Variants in RIF1 observed in about 807,000 individuals in gnomAD.
RIF1 encodes the protein telomere-associated protein RIF1.
Under a neutral mutation model 247.1 loss-of-function variants are expected in RIF1, and 45 were observed. That is an observed-to-expected ratio of 0.18 (90% CI 0.14 to 0.23). RIF1 has a LOEUF of 0.23. Ranked by LOEUF, RIF1 falls within the 10% of genes least tolerant of loss-of-function variation. The probability of loss-of-function intolerance (pLI) is 1.00; values close to 1 mark genes in which losing one functional copy is unlikely to be tolerated. For missense variants in RIF1, 2,967 were observed against 2,862.5 expected (o/e 1.04, Z -0.83); for synonymous variants, 1,087 against 978.8 (o/e 1.11, Z -2.06).
At chr2:151,511,583 C>T (rs1209447070), downstream of RIF1, among the ~76,000 whole-genome samples, 2 of 152,168 alleles carry the variant, frequency 1.3e-5, no homozygotes, top group Admixed American at 6.5e-5. Context: ...AGCTAGGGCA[C>T]GTTAACTATG....
intron 34 of RIF1, among the ~76,000 whole-genome samples, chr2:151,473,455 G>GT (rs531663902): frequency 1.3e-5 from 2 of 151,414 alleles, no homozygotes; most frequent in African/African-American, 4.9e-5. Flanking sequence ...TAATTTTTGT[G>GT]TTTTTTGTAG....
chr2:151,416,934 T>A, intron 6 of RIF1, 33 bp downstream of exon 6: 2 of 1,515,708 alleles, frequency 1.3e-6, no homozygotes, highest in Non-Finnish European at 1.8e-6. Context: ...AATTGAAGAA[T>A]AGTTTTCATA....
the RIF1 span, chr2:151,516,608 C>T: frequency 2.3e-5 from 29 of 1,249,120 alleles, no homozygotes; most frequent in Admixed American, 5.2e-4. Context: ...CTGGTCAATT[C>T]CTAGACAGCA....
chr2:151,495,194 CA>C (rs1415029480), intron 9 of RIF1: 2 of 152,162 alleles, frequency 1.3e-5, no homozygotes, highest in African/African-American at 4.8e-5. Context: ...AGTAACACAT[CA>C]TGATAAATCC....
the RIF1 span, chr2:151,524,683 T>G: frequency 2.7e-6 from 3 of 1,105,576 alleles, no homozygotes; most frequent in African/African-American, 5.0e-5. Context: ...TTTTTTTTTT[T>G]TGAGATGGAA....
downstream of RIF1, among the ~76,000 whole-genome samples, chr2:151,511,473 A>G (rs1280454551): frequency 2.0e-5 from 3 of 152,210 alleles, no homozygotes; most frequent in Non-Finnish European, 4.4e-5. Context: ...AAAATTAAAA[A>G]CAAACAAAAA....
chr2:151,492,631 A>G, intron 9 of RIF1: 1 of 504,184 alleles, frequency 2.0e-6, no homozygotes, highest in Non-Finnish European at 3.4e-6. Flanking sequence ...ACACATGACC[A>G]ATTTTGGAAC....
chr2:151,468,865 A>C, intron 33 of RIF1, 109 bp downstream of exon 33: 1 of 770,952 alleles, frequency 1.3e-6, no homozygotes, highest in South Asian at 1.6e-5. Context: ...ATGTACTCTC[A>C]CACACATTTT....
chr2:151,463,631 A>G lies in RIF1; in HGVS notation c.4111A>G (p.Asn1371Asp), dbSNP rs769296874. ...GGAAAATGCTGTATTATTGGAAACT[A>G]ATACTGTAGAGGAGAAAAATGTAGA... Reference protein sequence around the residue: ...TVENAVLLETNTVEEKNVEIN... With the variant: ...TVENAVLLETDTVEEKNVEIN... Residue 1371 changes from asparagine to aspartate, a missense_variant, in exon 30 of 36, where the codon AAT (asparagine) becomes GAT (aspartate). Physicochemically the swap from Asn to Asp is conservative, Grantham distance 23 (BLOSUM62 1). Coordinates refer to ENST00000444746, the MANE Select transcript of RIF1 (RefSeq NM_018151.5). The G allele has an allele frequency of 2.5e-6, 4 of 1,613,822 alleles. No homozygotes were observed. In the East Asian group the frequency reaches 6.7e-5, roughly 27 times the overall value.
At chr2:151,487,091 CAG>C (rs550926787), downstream of RIF1, among the ~76,000 whole-genome samples, 268 of 152,222 alleles carry the variant, frequency 1.8e-3, 1 homozygote, top group Middle Eastern at 3.4e-3. Flanking sequence ...ACAGAAAAGA[CAG>C]AATATGCTGC....
chr2:151,415,219 C>T (rs1024484627), intron 4 of RIF1, among the ~76,000 whole-genome samples: 1 of 151,586 alleles, frequency 6.6e-6, no homozygotes, highest in Admixed American at 6.6e-5. Flanking sequence ...CCGTGGCGGG[C>T]GCCTGTAGTT....
rs1397116855 is a variant in RIF1, at chr2:151,464,549, A to G, written c.5029A>G (p.Arg1677Gly). ...LPVPESNLRTRNAIKRLHKRD... is the reference protein window; with the variant it reads ...LPVPESNLRTGNAIKRLHKRD... Reference sequence around the variant, plus strand: ...TGTGCCAGAATCAAATCTAAGGACTAGAAATGCCATTAAGAGATTACATAA... The same window carrying G: ...TGTGCCAGAATCAAATCTAAGGACTGGAAATGCCATTAAGAGATTACATAA... The change falls in exon 30 of 36, where the codon AGA becomes GGA. Residue 1677 changes from arginine (R) to glycine (G), a missense_variant. Arg to Gly is a moderately radical substitution (Grantham distance 125). This residue lies in a region of RIF1 where 2,028 missense variants were observed against 1,825.6 expected (regional missense o/e 1.11). Coordinates refer to ENST00000444746, the MANE Select transcript of RIF1 (RefSeq NM_018151.5). 6.8e-6 allele frequency: 11 copies of G among 1,612,344 alleles called. No individual in the cohort carries two copies. Among genetic ancestry groups the G allele is most frequent in the Non-Finnish European group, 9.3e-6 (11 of 1,179,234 alleles).
In RIF1 at chr2:151,460,092, A is replaced by G; in HGVS notation, c.3048A>G (p.Lys1016=). ...CATTTTTGGCACAAACAAAGAATAA[A>G]AAAGAAAATATGAAACCAGCAGCCA... is the stretch of plus-strand genomic sequence containing the variant. ...RDSFLAQTKN[K]KENMKPAAKL... is the part of the protein sequence containing the mutation. The change falls in exon 26 of 36, where the codon AAA becomes AAG. Residue 1016 remains lysine, a synonymous_variant. Coordinates refer to ENST00000444746, the MANE Select transcript of RIF1 (RefSeq NM_018151.5). 1 of 1,568,296 alleles carries G rather than the reference A, an allele frequency of 6.4e-7. No individual in the cohort carries two copies. Among genetic ancestry groups the G allele is most frequent in the Non-Finnish European group, 8.7e-7 (1 of 1,153,142 alleles).
At chr2:151,508,844 G>A (rs947719781), downstream of RIF1, among the ~76,000 whole-genome samples, 1 of 152,254 alleles carries the variant, frequency 6.6e-6, no homozygotes, top group African/African-American at 2.4e-5. Context: ...TATAGAGGCT[G>A]CTCTTCCAGA....
At chr2:151,472,334 C>T (rs1174638032) in intron 34 of RIF1, among the ~76,000 whole-genome samples, 2 of 152,146 alleles carry the variant, frequency 1.3e-5, no homozygotes, top group Non-Finnish European at 1.5e-5. Context: ...AATTTGACTT[C>T]CTCTTTTCCT....
At chr2:151,472,241 A>T (rs903614494) in intron 34 of RIF1, among the ~76,000 whole-genome samples, 1 of 152,192 alleles carries the variant, frequency 6.6e-6, no homozygotes, top group African/African-American at 2.4e-5. Flanking sequence ...ACTTTGCTGA[A>T]GTTGCTTATT....
chr2:151,447,717 G>C lies in RIF1; in HGVS notation c.2244+1142G>C, dbSNP rs964391860. Among the ~76,000 whole-genome samples, 11 of 152,152 alleles carry C rather than the reference G, an allele frequency of 7.2e-5. No individual in the cohort carries two copies. The East Asian group carries it at 7.8e-4, about 11-fold the overall frequency. On this transcript the variant is annotated intron_variant, in intron 20 of 35. Transcript: ENST00000444746. ...CACACCATCATGCCCAGCTAATTTT[G>C]TATTTTTAGTAGAGATGGGGTTTCA...
At chr2:151,457,736 G>C (rs572460798) in intron 23 of RIF1, 25 bp from the exon 24 acceptor site, 1 of 1,545,176 alleles carries the variant, frequency 6.5e-7, no homozygotes, top group African/African-American at 1.4e-5. Flanking sequence ...TATATGTTTT[G>C]CTTTTATTTT....
At chr2:151,419,575 C>T (rs1306289898) in intron 6 of RIF1, among the ~76,000 whole-genome samples, 1 of 152,088 alleles carries the variant, frequency 6.6e-6, no homozygotes, top group Non-Finnish European at 1.5e-5. Context: ...CCACCCGCCT[C>T]GGCCTCCCAA....
Sources: allele counts gnomAD v4.1 joint callset (sites outside exome capture counted in the v4.1 genomes callset), GRCh38; gene constraint gnomAD v4.1.1; regional missense constraint gnomAD v4.1.1; transcripts MANE v1.5; gene names NCBI Gene and HGNC (gene_info 2026-07-23, HGNC 2026-07-21).